NRG1: variants seen among roughly 807,000 people sequenced by gnomAD.
The protein encoded by NRG1 is neuregulin 1.
NRG1 carries 18 observed loss-of-function variants against 63.8 expected under a neutral mutation model. That is an observed-to-expected ratio of 0.28 (90% confidence interval 0.19 to 0.42). The LOEUF (loss-of-function observed/expected upper bound fraction) is 0.42. NRG1 is among the 10% of genes least tolerant of loss of function. The probability of loss-of-function intolerance (pLI) is 1.00; values close to 1 mark genes in which losing one functional copy is unlikely to be tolerated. For synonymous variants in NRG1, 302 were observed against 301.3 expected, an observed-to-expected ratio of 1.00 and a Z score of -0.02; for missense variants, 762 against 814.7, an observed-to-expected ratio of 0.94 and a Z score of 0.79.
chr8:32,764,255 G>C (rs1453324323), exon 12 of NRG1: 2 of 1,613,986 alleles, frequency 1.2e-6, no homozygotes, highest in African/African-American at 2.7e-5. Flanking sequence ...TGGGCATACA[G>C]AACCCCCTGG....
chr8:31,770,777 A>C (rs1467687775), intron 1 of NRG1, among the ~76,000 whole-genome samples: 3 of 129,624 alleles, frequency 2.3e-5, no homozygotes, highest in Admixed American at 2.2e-4. Context: ...AAACATATAT[A>C]TATATATATA....
chr8:32,350,175 C>G (rs1028036567), intron 1 of NRG1, among the ~76,000 whole-genome samples: 6 of 152,142 alleles, frequency 3.9e-5, no homozygotes, highest in African/African-American at 1.4e-4. Flanking sequence ...CATGTGGTTG[C>G]AGTGGACATG....
chr8:32,272,822 T>G (rs902028740), intron 1 of NRG1, among the ~76,000 whole-genome samples: 10 of 152,176 alleles, frequency 6.6e-5, no homozygotes, highest in Non-Finnish European at 2.9e-5. Flanking sequence ...AAAATATGAG[T>G]GGTTCCCAGT....
chr8:32,372,830 C>T (rs957949376), intron 1 of NRG1, among the ~76,000 whole-genome samples: 2 of 152,118 alleles, frequency 1.3e-5, no homozygotes, highest in East Asian at 3.9e-4. Flanking sequence ...TACATTGTTT[C>T]TACTGGGAAA....
chr8:32,323,667 CCTTA>C (rs1273607745), intron 1 of NRG1, among the ~76,000 whole-genome samples: 1 of 152,220 alleles, frequency 6.6e-6, no homozygotes, highest in Non-Finnish European at 1.5e-5. Flanking sequence ...GCCATTTTTT[CCTTA>C]CTTGTTGGAA....
rs573663089 is a variant in NRG1, at chr8:32,698,421, T to A, written c.503-29528T>A. Among the ~76,000 whole-genome samples the A allele has an allele frequency of 6.6e-5, 10 of 152,300 alleles. 1 individual carries two copies. The South Asian group carries it at 2.1e-3, about 32-fold the overall frequency. On this transcript the variant is annotated intron_variant, in intron 5 of 11. Coordinates refer to ENST00000356819, the Ensembl canonical transcript of NRG1. ...AGTCATGCAGGCAGACAGGGTCTTC[T>A]TAGTATCAAGGACTGATTTTGATAA... is the stretch of plus-strand genomic sequence containing the variant.
At chr8:32,522,359 C>T (rs960832727) in intron 1 of NRG1, among the ~76,000 whole-genome samples, 1 of 152,110 alleles carries the variant, frequency 6.6e-6, no homozygotes, top group African/African-American at 2.4e-5. Flanking sequence ...CTCTCTTTAC[C>T]TCCCCCACAG....
intron 5 of NRG1, among the ~76,000 whole-genome samples, chr8:32,620,768 G>GT: frequency 6.6e-6 from 1 of 152,036 alleles, no homozygotes; most frequent in Admixed American, 6.6e-5. Flanking sequence ...GCTGTCCTAA[G>GT]TTATGGTTGA....
chr8:31,915,980 C>G (rs544078997), intron 1 of NRG1, among the ~76,000 whole-genome samples: 14 of 152,174 alleles, frequency 9.2e-5, no homozygotes, highest in African/African-American at 3.1e-4. Context: ...GGAACTGACA[C>G]TTTAGTTTTA....
intron 1 of NRG1, among the ~76,000 whole-genome samples, chr8:32,144,771 C>A (rs1338170879): frequency 6.6e-6 from 1 of 152,122 alleles, no homozygotes; most frequent in East Asian, 1.9e-4. Flanking sequence ...TTTACAAGCA[C>A]AAGTGAAAAT....
At chr8:32,651,434 G>T (rs900203446) in intron 5 of NRG1, among the ~76,000 whole-genome samples, 2 of 151,842 alleles carry the variant, frequency 1.3e-5, no homozygotes, top group Non-Finnish European at 2.9e-5. Flanking sequence ...CATTTGTTTT[G>T]TCTGGGCTTT....
chr8:32,729,287 TA>T, intron 6 of NRG1, among the ~76,000 whole-genome samples: 1 of 152,298 alleles, frequency 6.6e-6, no homozygotes, highest in South Asian at 2.1e-4. Flanking sequence ...GATGTGGGCA[TA>T]AAAATATATT....
chr8:32,412,660 G>A (rs1815274783), intron 1 of NRG1, among the ~76,000 whole-genome samples: 1 of 151,662 alleles, frequency 6.6e-6, no homozygotes, highest in South Asian at 2.1e-4. Context: ...GATGCACACT[G>A]AGGCTTTATG....
intron 1 of NRG1, among the ~76,000 whole-genome samples, chr8:32,355,426 T>C (rs1806245967): frequency 6.6e-6 from 1 of 152,066 alleles, no homozygotes; most frequent in Admixed American, 6.6e-5. Context: ...ATCAGTGCAC[T>C]CCAGCCTGGG....
chr8:32,276,188 A>G (rs1025828336), intron 1 of NRG1, among the ~76,000 whole-genome samples: 2 of 152,074 alleles, frequency 1.3e-5, no homozygotes, highest in Non-Finnish European at 2.9e-5. Context: ...AACTCTTTTC[A>G]TCTTTCACTC....
intron 5 of NRG1, among the ~76,000 whole-genome samples, chr8:32,638,581 TCCTC>T (rs1851762730): frequency 6.6e-6 from 1 of 152,096 alleles, no homozygotes. Flanking sequence ...TCCTGCCTCA[TCCTC>T]CCTAGTAGTT....
At chr8:32,660,994 T>C (rs540553782) in intron 5 of NRG1, among the ~76,000 whole-genome samples, 8 of 152,320 alleles carry the variant, frequency 5.3e-5, no homozygotes, top group Admixed American at 5.2e-4. Flanking sequence ...GTTTGGTTTG[T>C]TCATGTGGTT....
At chr8:32,323,285 C>T (rs2129476938) in intron 1 of NRG1, among the ~76,000 whole-genome samples, 1 of 152,274 alleles carries the variant, frequency 6.6e-6, no homozygotes, top group Middle Eastern at 3.4e-3. Flanking sequence ...AATTCCTATT[C>T]TTAGTTATGT....
At chr8:32,407,888 G>C (rs949448237) in intron 1 of NRG1, among the ~76,000 whole-genome samples, 1 of 152,170 alleles carries the variant, frequency 6.6e-6, no homozygotes, top group Non-Finnish European at 1.5e-5. Flanking sequence ...GCTAGGAGAG[G>C]TGTAACTGAT....
Sources: allele counts gnomAD v4.1 joint callset (sites outside exome capture counted in the v4.1 genomes callset), GRCh38; gene constraint gnomAD v4.1.1; transcripts MANE v1.5; gene names NCBI Gene and HGNC (gene_info 2026-07-23, HGNC 2026-07-21).